The following CALN1 variants were observed in gnomAD, a reference collection of about 807,000 sequenced individuals.
The protein encoded by CALN1 is calneuron 1, also known as calcium-binding protein 8.
CALN1 carries 17 observed loss-of-function variants against 30.6 expected under a neutral mutation model. The observed-to-expected ratio is 0.56, with a 90% CI of 0.38 to 0.83. The LOEUF (loss-of-function observed/expected upper bound fraction) is 0.83, where lower values mean the gene tolerates loss of function less well. Ranked by LOEUF, CALN1 falls within the 40% of genes least tolerant of loss-of-function variation. The probability of loss-of-function intolerance (pLI) is 0.00; values close to 1 mark genes in which losing one functional copy is unlikely to be tolerated. For synonymous variants in CALN1, 156 were observed against 131.4 expected, an observed-to-expected ratio of 1.19 and a Z score of -1.28; for missense variants, 291 against 354.9, an observed-to-expected ratio of 0.82 and a Z score of 1.45.
the CALN1 span, among the ~76,000 whole-genome samples, chr7:72,497,635 A>C: frequency 6.6e-6 from 1 of 152,356 alleles, no homozygotes; most frequent in South Asian, 2.1e-4. Flanking sequence ...CAAAGCTTTC[A>C]ACTAAACTTC....
chr7:72,157,419 T>C (rs1054874814), intron 3 of CALN1, among the ~76,000 whole-genome samples: 10 of 152,066 alleles, frequency 6.6e-5, no homozygotes, highest in African/African-American at 2.4e-4. Flanking sequence ...GAGACCAACC[T>C]GTGCTACGGG....
intron 2 of CALN1, among the ~76,000 whole-genome samples, chr7:72,402,954 T>C (rs1184852724): frequency 1.3e-5 from 2 of 152,190 alleles, no homozygotes; most frequent in African/African-American, 4.8e-5. Context: ...TGCTAGTACA[T>C]AGTCCACACT....
At chr7:72,098,769 C>A in intron 4 of CALN1, among the ~76,000 whole-genome samples, 1 of 83,954 alleles carries the variant, frequency 1.2e-5, no homozygotes, top group African/African-American at 3.8e-5. Flanking sequence ...GGCGCGCACA[C>A]ACACACACAC....
intron 6 of CALN1, among the ~76,000 whole-genome samples, chr7:71,808,748 T>C (rs1787765709): frequency 6.6e-6 from 1 of 152,124 alleles, no homozygotes; most frequent in Non-Finnish European, 1.5e-5. Context: ...AAAAATACCC[T>C]TCTCCACCCA....
chr7:71,884,362 T>C (rs1051087640), intron 5 of CALN1, among the ~76,000 whole-genome samples: 11 of 152,146 alleles, frequency 7.2e-5, no homozygotes, highest in African/African-American at 2.7e-4. Context: ...AAGCTGCCTG[T>C]TTCCCTTCCT....
intron 5 of CALN1, among the ~76,000 whole-genome samples, chr7:71,960,659 A>G (rs1337521630): frequency 1.3e-5 from 2 of 152,126 alleles, no homozygotes; most frequent in African/African-American, 2.4e-5. Context: ...TATCTTTTTG[A>G]TATAATGATT....
At chr7:72,321,972 T>A (rs1205202690) in intron 2 of CALN1, among the ~76,000 whole-genome samples, 2 of 152,222 alleles carry the variant, frequency 1.3e-5, no homozygotes, top group Non-Finnish European at 2.9e-5. Context: ...AGGACCAGTT[T>A]CGTGGAAGAC....
At chr7:72,248,841 A>G (rs529863253) in intron 3 of CALN1, among the ~76,000 whole-genome samples, 45 of 152,096 alleles carry the variant, frequency 3.0e-4, no homozygotes, top group Non-Finnish European at 5.4e-4. Context: ...TCAAAAATAT[A>G]ATCTCAATCC....
chr7:72,388,638 A>C (rs1805388398), intron 2 of CALN1, among the ~76,000 whole-genome samples: 1 of 152,188 alleles, frequency 6.6e-6, no homozygotes, highest in Admixed American at 6.5e-5. Flanking sequence ...TATTCTTAAA[A>C]AATTTATTCT....
intron 3 of CALN1, among the ~76,000 whole-genome samples, chr7:72,268,585 C>T (rs1054059073): frequency 6.6e-6 from 1 of 152,100 alleles, no homozygotes; most frequent in Non-Finnish European, 1.5e-5. Flanking sequence ...GCAGGCAGAT[C>T]CCTTGAGCCC....
intron 3 of CALN1, among the ~76,000 whole-genome samples, chr7:72,150,104 GCAA>G (rs1787110751): frequency 7.1e-6 from 1 of 141,690 alleles, no homozygotes; most frequent in Admixed American, 7.4e-5. Flanking sequence ...TCCAGCCTAG[GCAA>G]CAAGAGTAAA....
At chr7:72,303,080 A>C (rs1024511582) in intron 2 of CALN1, among the ~76,000 whole-genome samples, 1 of 147,074 alleles carries the variant, frequency 6.8e-6, no homozygotes, top group African/African-American at 2.5e-5. Context: ...ACCCTGTCTC[A>C]AAAAAAAAAG....
intron 5 of CALN1, among the ~76,000 whole-genome samples, chr7:71,944,290 A>C (rs1454794785): frequency 2.0e-5 from 3 of 152,136 alleles, no homozygotes; most frequent in Non-Finnish European, 4.4e-5. Flanking sequence ...CTATTTTAAA[A>C]AACAAAAAAA....
At chr7:72,057,383 CTT>C (rs60838093) in intron 4 of CALN1, among the ~76,000 whole-genome samples, 51 of 101,884 alleles carry the variant, frequency 5.0e-4, no homozygotes, top group Middle Eastern at 6.9e-3. Context: ...TTTAAATGTT[CTT>C]TTTTTTTTTT....
chr7:71,798,165 G>A (rs944703090), intron 6 of CALN1, among the ~76,000 whole-genome samples: 24 of 145,846 alleles, frequency 1.6e-4, no homozygotes, highest in African/African-American at 5.7e-4. Flanking sequence ...GAGAGAGAGA[G>A]AGAGAGAGAG....
chr7:72,106,958 GAAGA>G, intron 3 of CALN1, among the ~76,000 whole-genome samples: 3 of 149,040 alleles, frequency 2.0e-5, no homozygotes, highest in Middle Eastern at 7.0e-3. Flanking sequence ...AAAAAGAAAT[GAAGA>G]AAGGGAGAAA....
At chr7:72,335,579 A>G (rs947477016) in intron 2 of CALN1, among the ~76,000 whole-genome samples, 1 of 151,970 alleles carries the variant, frequency 6.6e-6, no homozygotes, top group Non-Finnish European at 1.5e-5. Flanking sequence ...GAGCCCAAAA[A>G]AGTCTCCTTT....
In CALN1 at chr7:71,784,852, A is replaced by C. The variant is rs76431878; in HGVS notation, c.*2923T>G. The C allele has an allele frequency of 2.5e-6, 1 of 398,538 alleles. No individual in the cohort carries two copies. 24.7% of individuals were successfully genotyped at this position (398,538 alleles called of 1,614,324 possible). A position where few individuals can be genotyped will look rare whatever the true frequency, so the allele number is the denominator to read the frequency against. On this transcript the variant is annotated 3_prime_UTR_variant, in exon 7 of 7. Coordinates refer to ENST00000395275, the MANE Select transcript of CALN1 (RefSeq NM_031468.4). Reference sequence around the variant, plus strand: ...GGCATGGGAGACCAGGACCTTCTGGAATCTTCAGCCGTGAGCTTCATAGCC... The same window carrying C: ...GGCATGGGAGACCAGGACCTTCTGGCATCTTCAGCCGTGAGCTTCATAGCC...
chr7:72,501,928 A>AAAAAATATAT, the CALN1 span, among the ~76,000 whole-genome samples: 9 of 57,966 alleles, frequency 1.6e-4, 1 homozygote, highest in African/African-American at 8.9e-4. Context: ...AAAAAAAAAA[A>AAAAAATATAT]ATATATATAT....
Sources: gnomAD v4.1 joint callset for allele counts (sites outside exome capture counted in the v4.1 genomes callset) on GRCh38, gnomAD v4.1.1 for gene constraint, MANE v1.5 for transcripts, NCBI Gene and HGNC (gene_info 2026-07-23, HGNC 2026-07-21) for gene names.